Variants in MCTP2 observed in about 807,000 individuals in gnomAD.
MCTP2 encodes multiple C2 and transmembrane domain-containing protein 2.
A neutral mutation model predicts 111.6 loss-of-function variants in MCTP2; 132 were observed. The ratio of observed to expected loss-of-function variants is 1.18; its 90% CI spans 1.03 to 1.37. The LOEUF is 1.37. Ranked by LOEUF, MCTP2 falls within the 40% of genes most tolerant of loss-of-function variation. The pLI, the probability that MCTP2 is intolerant of heterozygous loss-of-function variation, is 0.00. For missense variants in MCTP2, 1,183 were observed against 1,067.9 expected (o/e 1.11, Z -1.50); for synonymous variants, 395 against 387.7 (o/e 1.02, Z -0.22).
At position 94,372,194 on chromosome 15, in the gene MCTP2, G is replaced by A. The variant is rs374684717; in HGVS notation, c.1582+2014G>A. The stretch of plus-strand genomic sequence containing the variant: ...GAAATGAAATAATGCTGTGTGGTTC[G>A]ACTAAATGCCCTGGTGTTTCACTAT... On this transcript the variant is annotated intron_variant, in intron 12 of 22. Transcript: ENST00000357742. Among the ~76,000 whole-genome samples the A allele has an allele frequency of 1.2e-4, 19 of 152,308 alleles. No individual in the cohort carries two copies. The East Asian group carries it at 2.3e-3, about 19-fold the overall frequency.
chr15:94,302,964 C>T (rs2075695157), intron 2 of MCTP2, among the ~76,000 whole-genome samples: 1 of 151,308 alleles, frequency 6.6e-6, no homozygotes, highest in Admixed American at 6.6e-5. Context: ...CAAGGAGGAG[C>T]AAGTCATGTC....
chr15:94,433,053 C>A (rs369176198), intron 17 of MCTP2, among the ~76,000 whole-genome samples: 70 of 151,934 alleles, frequency 4.6e-4, no homozygotes, highest in African/African-American at 1.6e-3. Context: ...ACATCCTTCT[C>A]GTGTTATACT....
At chr15:94,294,615 CT>C (rs1007128278) in intron 1 of MCTP2, among the ~76,000 whole-genome samples, 6 of 152,186 alleles carry the variant, frequency 3.9e-5, no homozygotes, top group Non-Finnish European at 1.5e-5. Flanking sequence ...AGAGATGCAA[CT>C]TTGTTTACAG....
intron 12 of MCTP2, 76 bp from the exon 13 acceptor site, chr15:94,383,946 C>G (rs751803972): frequency 7.5e-6 from 8 of 1,061,344 alleles, no homozygotes; most frequent in Non-Finnish European, 1.2e-5. Flanking sequence ...ACAACTTTAT[C>G]TGACTCTTGT....
intron 21 of MCTP2, among the ~76,000 whole-genome samples, chr15:94,471,776 G>T (rs985282341): frequency 1.5e-5 from 2 of 132,666 alleles, no homozygotes; most frequent in African/African-American, 5.5e-5. Context: ...AAAAAAAAAA[G>T]TATTTTCCTG....
intron 12 of MCTP2, among the ~76,000 whole-genome samples, chr15:94,373,087 G>A (rs1053836302): frequency 6.6e-6 from 1 of 152,162 alleles, no homozygotes; most frequent in African/African-American, 2.4e-5. Flanking sequence ...TCCTGGAGGA[G>A]GAGTGAATGC....
chr15:94,426,449 TC>T (rs1191422462), intron 17 of MCTP2, among the ~76,000 whole-genome samples: 1 of 152,118 alleles, frequency 6.6e-6, no homozygotes, highest in African/African-American at 2.4e-5. Flanking sequence ...TTAATTTAAT[TC>T]CCTACTCCAA....
At chr15:94,300,304 T>C (rs1237197889) in intron 2 of MCTP2, among the ~76,000 whole-genome samples, 1 of 151,938 alleles carries the variant, frequency 6.6e-6, no homozygotes, top group Non-Finnish European at 1.5e-5. Context: ...GGTCAGGAGA[T>C]TGAGACCATC....
At chr15:94,437,155 C>CAAAAAAAAAA (rs11352999) in intron 17 of MCTP2, among the ~76,000 whole-genome samples, 7 of 69,558 alleles carry the variant, frequency 1.0e-4, no homozygotes, top group East Asian at 4.3e-4. Context: ...CTTACACATC[C>CAAAAAAAAAA]AAAAAAAAAA....
chr15:94,272,342 C>T (rs902028414), intron 1 of MCTP2, among the ~76,000 whole-genome samples: 1 of 152,090 alleles, frequency 6.6e-6, no homozygotes, highest in Middle Eastern at 3.2e-3. Context: ...GGGTAGCAGT[C>T]CAATCAATGA....
chr15:94,379,856 TA>T (rs563060506), intron 12 of MCTP2, among the ~76,000 whole-genome samples: 113 of 146,062 alleles, frequency 7.7e-4, no homozygotes, highest in African/African-American at 2.7e-3. Context: ...GATATATATA[TA>T]ATATATGACA....
intron 1 of MCTP2, among the ~76,000 whole-genome samples, chr15:94,274,896 A>G (rs1445694416): frequency 1.3e-5 from 2 of 152,164 alleles, no homozygotes; most frequent in African/African-American, 4.8e-5. Flanking sequence ...TTATGACTAC[A>G]CTCTTTCATG....
intron 14 of MCTP2, among the ~76,000 whole-genome samples, chr15:94,396,227 G>C (rs1279838446): frequency 2.6e-5 from 4 of 152,126 alleles, no homozygotes; most frequent in Admixed American, 2.6e-4. Flanking sequence ...GAATTGCCTT[G>C]TCTTTTTGTC....
chr15:94,452,892 C>G (rs1351709210), intron 19 of MCTP2, among the ~76,000 whole-genome samples: 2 of 152,200 alleles, frequency 1.3e-5, no homozygotes, highest in Admixed American at 1.3e-4. Flanking sequence ...GAAATTTTCC[C>G]TGTCTCACAT....
intron 10 of MCTP2, among the ~76,000 whole-genome samples, chr15:94,360,274 A>G (rs978068096): frequency 5.3e-5 from 8 of 152,122 alleles, no homozygotes; most frequent in African/African-American, 1.9e-4. Context: ...TTTAGGAGAA[A>G]ACCCACTTCC....
At chr15:94,349,683 G>A (rs757957254) in intron 8 of MCTP2, among the ~76,000 whole-genome samples, 5 of 152,026 alleles carry the variant, frequency 3.3e-5, no homozygotes, top group Non-Finnish European at 5.9e-5. Flanking sequence ...AGCCGGGCGT[G>A]GTGGCATGCG....
intron 21 of MCTP2, among the ~76,000 whole-genome samples, chr15:94,473,974 G>C (rs1334756502): frequency 6.6e-6 from 1 of 150,630 alleles, no homozygotes; most frequent in Admixed American, 6.6e-5. Flanking sequence ...TTTTTAAACT[G>C]TAGGGCTCAT....
At chr15:94,428,870 T>C (rs1346254479) in intron 17 of MCTP2, among the ~76,000 whole-genome samples, 1 of 152,182 alleles carries the variant, frequency 6.6e-6, no homozygotes, top group South Asian at 2.1e-4. Flanking sequence ...TAAAAGAATT[T>C]CCTTGCCTTC....
chr15:94,242,970 TGTATCTAC>T (rs1596135909), intron 1 of MCTP2, among the ~76,000 whole-genome samples: 1 of 115,748 alleles, frequency 8.6e-6, no homozygotes, highest in East Asian at 2.5e-4. Flanking sequence ...CGTGTATATG[TGTATCTAC>T]ACATACACGT....
Sources: allele counts gnomAD v4.1 joint callset (sites outside exome capture counted in the v4.1 genomes callset), GRCh38; gene constraint gnomAD v4.1.1; transcripts MANE v1.5; gene names NCBI Gene and HGNC (gene_info 2026-07-23, HGNC 2026-07-21).